Variants in TIAM2 observed in about 807,000 individuals in gnomAD.
The protein encoded by TIAM2 is TIAM Rac1 associated GEF 2, also known as rho guanine nucleotide exchange factor TIAM2.
TIAM2 carries 80 observed loss-of-function variants against 152.9 expected under a neutral mutation model. The observed-to-expected ratio is 0.52, with a 90% CI of 0.44 to 0.63. The LOEUF (loss-of-function observed/expected upper bound fraction) is 0.63, where lower values mean the gene tolerates loss of function less well. Among genes scored for constraint, TIAM2 ranks in the 30% least tolerant of loss-of-function variants. The pLI is 0.00. For synonymous variants in TIAM2, 804 were observed against 838.0 expected, an observed-to-expected ratio of 0.96 and a Z score of 0.70; for missense variants, 1,965 against 2,120.1, an observed-to-expected ratio of 0.93 and a Z score of 1.44.
intron 15 of TIAM2, among the ~76,000 whole-genome samples, chr6:155,236,898 C>T (rs897353615): frequency 2.0e-5 from 3 of 152,174 alleles, no homozygotes. Context: ...GGTGGGGACA[C>T]AGAGCCAAAC....
At chr6:155,184,252 G>T (rs1397895932) in intron 14 of TIAM2, among the ~76,000 whole-genome samples, 1 of 152,202 alleles carries the variant, frequency 6.6e-6, no homozygotes, top group African/African-American at 2.4e-5. Context: ...GTCTCCCAGA[G>T]TGCTGGGATT....
intron 22 of TIAM2, 150 bp downstream of exon 22, chr6:155,251,171 T>C: frequency 1.5e-6 from 1 of 666,240 alleles, no homozygotes; most frequent in Non-Finnish European, 2.6e-6. Flanking sequence ...CCCCCAACTA[T>C]TTGAAACTCC....
rs151244455 is a variant in TIAM2, at chr6:155,062,581, C to CTTT, written c.-208-27706_-208-27704dup. On this transcript the variant is annotated intron_variant, in intron 1 of 26. Transcript: ENST00000682666. The stretch of plus-strand genomic sequence containing the variant: ...GGTTTCTTTTTTTTCTTTTCTTTTT[C>CTTT]TTTTCTTTTTTTTTGAGACGGAGTC... Among the ~76,000 whole-genome samples, 34 of 143,270 alleles carry CTTT rather than the reference C, an allele frequency of 2.4e-4. 1 individual carries two copies. Among genetic ancestry groups the CTTT allele is most frequent in the Non-Finnish European group, 2.4e-4 (16 of 66,154 alleles). 94.0% of individuals were successfully genotyped at this position (143,270 alleles called of 152,430 possible).
chr6:155,147,927 C>T (rs1311124964), intron 6 of TIAM2, among the ~76,000 whole-genome samples, 183 bp from the exon 7 acceptor site: 1 of 152,188 alleles, frequency 6.6e-6, no homozygotes, highest in Non-Finnish European at 1.5e-5. Context: ...CTGCTCTGCT[C>T]CTAATGTTCT....
chr6:155,123,801 G>A (rs1250316035), intron 2 of TIAM2, among the ~76,000 whole-genome samples: 1 of 152,140 alleles, frequency 6.6e-6, no homozygotes, highest in Non-Finnish European at 1.5e-5. Context: ...GAGCGGCCGG[G>A]AGCCTTTCGC....
intron 1 of TIAM2, among the ~76,000 whole-genome samples, chr6:155,036,358 C>T (rs1040423094): frequency 3.3e-5 from 5 of 151,570 alleles, no homozygotes; most frequent in African/African-American, 1.2e-4. Flanking sequence ...TATGGTAAAC[C>T]CTGTCTCTAC....
chr6:155,034,569 A>G (rs530024002), intron 1 of TIAM2, among the ~76,000 whole-genome samples: 2 of 152,292 alleles, frequency 1.3e-5, no homozygotes, highest in African/African-American at 4.8e-5. Context: ...CCAGTATTTT[A>G]ACCTTCAACT....
In TIAM2 at chr6:155,214,743, A is replaced by T. The variant is rs1225525058; in HGVS notation, c.3168+3436A>T. Among the ~76,000 whole-genome samples, 1 of 152,246 alleles carries T rather than the reference A, an allele frequency of 6.6e-6. No homozygotes were observed. The highest frequency in any genetic ancestry group is 1.5e-5 in the Non-Finnish European group (1 of 68,038). ...ATGTTCATTAGCTTTTTAATGAAGC[A>T]GTGGATCCTAGAGCATCAAATAGAT... On this transcript the variant is annotated intron_variant, in intron 15 of 26. Transcript: ENST00000682666. The surrounding 1 kb of genome is among the most constrained non-coding windows in gnomAD (Gnocchi z 5.4).
At chr6:155,161,800 A>G (rs1031695300) in intron 7 of TIAM2, among the ~76,000 whole-genome samples, 1 of 149,154 alleles carries the variant, frequency 6.7e-6, no homozygotes, top group African/African-American at 2.5e-5. Context: ...CTGGTCTTGA[A>G]CTCCTGACCT....
intron 1 of TIAM2, among the ~76,000 whole-genome samples, chr6:155,029,438 T>G (rs1321256032): frequency 6.2e-5 from 2 of 32,176 alleles, no homozygotes; most frequent in South Asian, 1.1e-3. Context: ...ATAGTATATA[T>G]TATACTATAG....
At chr6:154,998,853 T>TA (rs1562508792) in intron 1 of TIAM2, among the ~76,000 whole-genome samples, 1 of 152,208 alleles carries the variant, frequency 6.6e-6, no homozygotes, top group African/African-American at 2.4e-5. Flanking sequence ...CAAGTACCTA[T>TA]AAGAACAGCC....
chr6:155,228,651 G>T (rs146871916), intron 15 of TIAM2, among the ~76,000 whole-genome samples: 355 of 152,310 alleles, frequency 2.3e-3, no homozygotes, highest in African/African-American at 8.0e-3. Flanking sequence ...ATGTGAAAGA[G>T]GTGGCTGGTT....
chr6:155,192,621 T>C (rs1490612932), intron 14 of TIAM2, among the ~76,000 whole-genome samples: 1 of 144,072 alleles, frequency 6.9e-6, no homozygotes, highest in Non-Finnish European at 1.5e-5. Context: ...ATTCTTTTAA[T>C]GAAATGTCTC....
intron 1 of TIAM2, among the ~76,000 whole-genome samples, chr6:155,016,090 C>T (rs541377571): frequency 5.3e-5 from 8 of 151,832 alleles, no homozygotes; most frequent in Non-Finnish European, 8.8e-5. Context: ...AATAACCATT[C>T]TGGAAAGAGT....
At chr6:155,068,273 A>C (rs1283217736) in intron 1 of TIAM2, among the ~76,000 whole-genome samples, 1 of 151,250 alleles carries the variant, frequency 6.6e-6, no homozygotes, top group Admixed American at 6.6e-5. Flanking sequence ...AAGGCAAAAA[A>C]CTCTCTACCC....
intron 5 of TIAM2, among the ~76,000 whole-genome samples, chr6:155,140,147 G>T (rs1270697384): frequency 6.6e-6 from 1 of 152,202 alleles, no homozygotes; most frequent in African/African-American, 2.4e-5. Flanking sequence ...TCTTGCAAAG[G>T]AGATGACAGT....
intron 1 of TIAM2, among the ~76,000 whole-genome samples, chr6:155,053,543 C>T (rs1283089519): frequency 6.6e-6 from 1 of 150,534 alleles, no homozygotes; most frequent in Non-Finnish European, 1.5e-5. Flanking sequence ...ACAATCTCAG[C>T]TCACTCAGCC....
chr6:155,150,061 C>T (rs750972292), intron 7 of TIAM2, among the ~76,000 whole-genome samples: 156 of 151,682 alleles, frequency 1.0e-3, no homozygotes, highest in African/African-American at 3.4e-3. Context: ...CAAATAATTC[C>T]GACCTCTGCC....
chr6:155,047,682 GAGAGAGGAGAGAGAGAGAGAGAGCGA>G (rs1777211746), intron 1 of TIAM2, among the ~76,000 whole-genome samples: 1 of 30,834 alleles, frequency 3.2e-5, no homozygotes, highest in Non-Finnish European at 9.4e-5. Flanking sequence ...GAGAGAGAGA[GAGAGAGGAGAGAGAGAGAGAGAGCGA>G]GAGAGAGAGA....
Sources: allele counts gnomAD v4.1 joint callset (sites outside exome capture counted in the v4.1 genomes callset), GRCh38; gene constraint gnomAD v4.1.1; non-coding constraint Gnocchi (gnomAD v3.1); transcripts MANE v1.5; gene names NCBI Gene and HGNC (gene_info 2026-07-23, HGNC 2026-07-21).